FAM117A: variants seen among roughly 807,000 people sequenced by gnomAD.
The protein encoded by FAM117A is family with sequence similarity 117 member A.
A neutral mutation model predicts 44.1 loss-of-function variants in FAM117A; 21 were observed. The ratio of observed to expected loss-of-function variants is 0.48; its 90% CI spans 0.34 to 0.69. The LOEUF is 0.69. FAM117A is among the 30% of genes least tolerant of loss of function. The pLI, the probability that FAM117A is intolerant of heterozygous loss-of-function variation, is 0.01. For missense variants in FAM117A, 498 were observed against 589.9 expected (o/e 0.84, Z 1.61); for synonymous variants, 220 against 238.3 (o/e 0.92, Z 0.71).
At chr17:49,730,100 C>A (rs1162204905) in intron 2 of FAM117A, among the ~76,000 whole-genome samples, 1 of 152,178 alleles carries the variant, frequency 6.6e-6, no homozygotes, top group Non-Finnish European at 1.5e-5. Flanking sequence ...AACCTAGAAG[C>A]AGCAAATTCC....
chr17:49,782,275 G>T (rs2073791775), intron 1 of FAM117A, among the ~76,000 whole-genome samples: 2 of 150,772 alleles, frequency 1.3e-5, no homozygotes, highest in African/African-American at 4.9e-5. Context: ...TACTCGGGAG[G>T]CTGAGGCAGG....
intron 1 of FAM117A, among the ~76,000 whole-genome samples, chr17:49,743,035 G>A (rs1453653193): frequency 6.6e-6 from 1 of 152,154 alleles, no homozygotes; most frequent in African/African-American, 2.4e-5. Context: ...CAGGTGAACT[G>A]ATTTCTCCAA....
chr17:49,743,705 G>A (rs1432306096), intron 1 of FAM117A, among the ~76,000 whole-genome samples: 2 of 151,672 alleles, frequency 1.3e-5, no homozygotes, highest in Non-Finnish European at 2.9e-5. Flanking sequence ...CTCCAGCCTG[G>A]GCAACAGAGT....
At chr17:49,770,153 C>G (rs2073756633) in intron 1 of FAM117A, among the ~76,000 whole-genome samples, 1 of 150,874 alleles carries the variant, frequency 6.6e-6, no homozygotes, top group South Asian at 2.1e-4. Flanking sequence ...GCCTATAATC[C>G]CAATTACTCA....
In FAM117A at chr17:49,732,985, C is replaced by T. The variant is rs1598024984; in HGVS notation, c.197-265G>A. 1.1e-5 allele frequency: 5 copies of T among 441,216 alleles called. No homozygotes were observed. The East Asian group carries it at 2.0e-4, about 17-fold the overall frequency. 27.3% of individuals were successfully genotyped at this position (441,216 alleles called of 1,614,324 possible). On this transcript the variant is annotated intron_variant, in intron 1 of 7. Transcript: ENST00000240364. ...TGTTACTTTATAAATGTCCTCTATC[C>T]TTTTCCTGCTCCTAATGGACTATGA...
upstream of FAM117A, among the ~76,000 whole-genome samples, chr17:49,767,633 G>T (rs1293959432): frequency 1.3e-5 from 2 of 152,184 alleles, no homozygotes; most frequent in Non-Finnish European, 2.9e-5. Context: ...GGCTGGGTGT[G>T]GTGGCTCACG....
At chr17:49,720,240 G>T in intron 4 of FAM117A, 86 bp downstream of exon 4, 2 of 1,091,320 alleles carry the variant, frequency 1.8e-6, no homozygotes, top group Non-Finnish European at 2.7e-6. Flanking sequence ...GGGCTCGGCA[G>T]TTCCAAGACC....
At chr17:49,782,215 A>C (rs2073791567) in intron 1 of FAM117A, among the ~76,000 whole-genome samples, 1 of 151,670 alleles carries the variant, frequency 6.6e-6, no homozygotes, top group Non-Finnish European at 1.5e-5. Context: ...CTCTACTAAA[A>C]ATACAAAAAA....
chr17:49,712,818 G>A (rs1451944589), intron 7 of FAM117A, among the ~76,000 whole-genome samples: 2 of 152,102 alleles, frequency 1.3e-5, no homozygotes, highest in Non-Finnish European at 2.9e-5. Flanking sequence ...CGGAAGATCT[G>A]GGTTCTAACT....
In FAM117A at chr17:49,758,634, AAAT is replaced by A. The variant is rs1285896315; in HGVS notation, c.196+5255_196+5257del. Among the ~76,000 whole-genome samples the A allele has an allele frequency of 9.4e-4, 103 of 109,494 alleles. 2 individuals are homozygous for A. In the East Asian group the frequency reaches 0.015, roughly 16 times the overall value. The allele number at this position is 109,494 out of a possible 152,430, so 71.8% of individuals were successfully genotyped here. ...GCGAGACTGTCTCAAAAAAAAAAAA[AAAT>A]AAAATAAATAAATAAATAAATAAAT... is the stretch of plus-strand genomic sequence containing the variant. On this transcript the variant is annotated intron_variant, in intron 1 of 7. Transcript: ENST00000240364.
chr17:49,782,072 A>G (rs1001268206), intron 1 of FAM117A, among the ~76,000 whole-genome samples: 2 of 152,120 alleles, frequency 1.3e-5, no homozygotes, highest in African/African-American at 4.8e-5. Flanking sequence ...GGAAGGCAAT[A>G]TACAAAAAAT....
In FAM117A at chr17:49,732,736, G is replaced by A; in HGVS notation, c.197-16C>T. The A allele has an allele frequency of 6.2e-7, 1 of 1,609,408 alleles. No individual in the cohort carries two copies. The highest frequency in any genetic ancestry group is 8.5e-7 in the Non-Finnish European group (1 of 1,177,718). On this transcript the variant is annotated splice_polypyrimidine_tract_variant and intron_variant, in intron 1 of 7. Coordinates refer to ENST00000240364, the MANE Select transcript of FAM117A (RefSeq NM_030802.4). ...GGGACGCTGGCTGCAAGAGAACACA[G>A]CCCGCACGCCTTGCCATCAGCATGG...
At chr17:49,787,818 C>A (rs767870021) in intron 1 of FAM117A, among the ~76,000 whole-genome samples, 26 of 152,202 alleles carry the variant, frequency 1.7e-4, no homozygotes, top group Non-Finnish European at 3.7e-4. Flanking sequence ...CTTTTGGGGG[C>A]TTCAACTTCA....
In FAM117A at chr17:49,711,249, G is replaced by T. The variant is rs778634062; in HGVS notation, c.*6C>A. ...TCTATGGTAAAGTGGGGCAGGGGTG[G>T]GACCCTCAGACCATCAGGGAGCTCT... On this transcript the variant is annotated 3_prime_UTR_variant, in exon 8 of 8. Coordinates refer to ENST00000240364, the MANE Select transcript of FAM117A (RefSeq NM_030802.4). The T allele has an allele frequency of 1.3e-6, 2 of 1,590,026 alleles. No individual in the cohort carries two copies.
At chr17:49,755,369 T>C (rs1017480565) in intron 1 of FAM117A, among the ~76,000 whole-genome samples, 5 of 152,176 alleles carry the variant, frequency 3.3e-5, no homozygotes, top group African/African-American at 1.2e-4. Flanking sequence ...TCCATCTTCT[T>C]GCTACACAGA....
chr17:49,756,844 G>A (rs933059252), intron 1 of FAM117A, among the ~76,000 whole-genome samples: 2 of 150,504 alleles, frequency 1.3e-5, no homozygotes, highest in Non-Finnish European at 2.9e-5. Context: ...TGAACCCAGA[G>A]AGGTGGAGGT....
At chr17:49,733,032 A>G in intron 1 of FAM117A, 2 of 301,342 alleles carry the variant, frequency 6.6e-6, no homozygotes, top group Non-Finnish European at 1.3e-5. Flanking sequence ...CTAGATCTCC[A>G]CACTGAGTTT....
intron 1 of FAM117A, among the ~76,000 whole-genome samples, chr17:49,746,755 A>G (rs527414802): frequency 1.2e-4 from 18 of 152,368 alleles, no homozygotes; most frequent in African/African-American, 4.1e-4. Flanking sequence ...AGACAGAGGT[A>G]AAAACAGCTA....
intron 1 of FAM117A, among the ~76,000 whole-genome samples, chr17:49,775,857 C>G (rs975161733): frequency 6.6e-6 from 1 of 152,202 alleles, no homozygotes; most frequent in Non-Finnish European, 1.5e-5. Flanking sequence ...GTCCAACTCT[C>G]TGGCCTCCTG....
Sources: allele counts gnomAD v4.1 joint callset (sites outside exome capture counted in the v4.1 genomes callset), GRCh38; gene constraint gnomAD v4.1.1; transcripts MANE v1.5; gene names NCBI Gene and HGNC (gene_info 2026-07-23, HGNC 2026-07-21).